Variants in SLC35D4 observed in about 807,000 individuals in gnomAD.
SLC35D4 encodes solute carrier family 35 member D4, also known as UDP-N-acetylglucosamine transporter SLC35D4.
At chr18:23,332,761 A>G in the SLC35D4 span, among the ~76,000 whole-genome samples, 1 of 152,356 alleles carries the variant, frequency 6.6e-6, no homozygotes, top group South Asian at 2.1e-4. Context: ...ATTAAAAAAA[A>G]AAAAGCTAAC....
At chr18:23,308,598 C>A in the SLC35D4 span, among the ~76,000 whole-genome samples, 18 of 152,120 alleles carry the variant, frequency 1.2e-4, no homozygotes, top group Non-Finnish European at 2.5e-4. Context: ...CAGCCATCAT[C>A]ATCTTGCACC....
the SLC35D4 span, among the ~76,000 whole-genome samples, chr18:23,281,285 A>G: frequency 6.6e-6 from 1 of 152,142 alleles, no homozygotes; most frequent in Non-Finnish European, 1.5e-5. Flanking sequence ...GGTACATCTT[A>G]GGGCATGTGA....
chr18:23,346,019 C>T, the SLC35D4 span, among the ~76,000 whole-genome samples: 1 of 151,860 alleles, frequency 6.6e-6, no homozygotes, highest in African/African-American at 2.4e-5. Flanking sequence ...ACCCATAATC[C>T]CAGCACCTTG....
At chr18:23,271,795 A>T in the SLC35D4 span, among the ~76,000 whole-genome samples, 3 of 152,220 alleles carry the variant, frequency 2.0e-5, no homozygotes. Flanking sequence ...TTGATCAATC[A>T]TGCCTACATA....
At chr18:23,393,304 C>A in the SLC35D4 span, among the ~76,000 whole-genome samples, 7 of 152,082 alleles carry the variant, frequency 4.6e-5, 1 homozygote, top group Non-Finnish European at 1.0e-4. Context: ...GTTCACACTT[C>A]ATTATGTACA....
At chr18:23,288,593 T>G in the SLC35D4 span, among the ~76,000 whole-genome samples, 3 of 150,626 alleles carry the variant, frequency 2.0e-5, no homozygotes, top group African/African-American at 7.3e-5. Context: ...TTACTCAACA[T>G]GCCCCGAGTC....
the SLC35D4 span, among the ~76,000 whole-genome samples, chr18:23,300,380 G>A: frequency 6.6e-6 from 1 of 152,190 alleles, no homozygotes; most frequent in Admixed American, 6.5e-5. Flanking sequence ...TTCTGCAAAT[G>A]TAACCAGGGG....
the SLC35D4 span, among the ~76,000 whole-genome samples, chr18:23,410,467 G>A: frequency 6.9e-6 from 1 of 144,214 alleles, no homozygotes; most frequent in African/African-American, 2.6e-5. Context: ...AAAAGAGCGA[G>A]ACTCTGTCTC....
the SLC35D4 span, chr18:23,385,014 C>G: frequency 1.2e-6 from 2 of 1,613,664 alleles, no homozygotes; most frequent in Non-Finnish European, 1.7e-6. Flanking sequence ...ACTTCTGGTA[C>G]CCACAGATGA....
the SLC35D4 span, among the ~76,000 whole-genome samples, chr18:23,419,068 CAG>C: frequency 6.6e-6 from 1 of 152,018 alleles, no homozygotes; most frequent in Admixed American, 6.5e-5. Flanking sequence ...AGAAACTGGG[CAG>C]AGTCATCACA....
At chr18:23,424,813 C>CACT in the SLC35D4 span, among the ~76,000 whole-genome samples, 1 of 152,062 alleles carries the variant, frequency 6.6e-6, no homozygotes. Context: ...GAGTACATGC[C>CACT]ACTGTACTCC....
the SLC35D4 span, among the ~76,000 whole-genome samples, chr18:23,342,287 T>A: frequency 6.6e-6 from 1 of 152,214 alleles, no homozygotes; most frequent in Non-Finnish European, 1.5e-5. Context: ...ATTGCCTTTT[T>A]ATGGGCATTT....
At chr18:23,298,043 C>G in the SLC35D4 span, 18 of 1,613,900 alleles carry the variant, frequency 1.1e-5, no homozygotes, top group Non-Finnish European at 1.4e-5. Flanking sequence ...CCAGCAAGGC[C>G]TCTCCAAGCG....
At chr18:23,429,388 C>G in the SLC35D4 span, among the ~76,000 whole-genome samples, 1 of 151,932 alleles carries the variant, frequency 6.6e-6, no homozygotes, top group Admixed American at 6.6e-5. Context: ...CGGATTTTCA[C>G]TCTTGTTACC....
At chr18:23,366,864 G>C in the SLC35D4 span, among the ~76,000 whole-genome samples, 1 of 152,192 alleles carries the variant, frequency 6.6e-6, no homozygotes, top group Non-Finnish European at 1.5e-5. Flanking sequence ...CACACATCCA[G>C]TCATTGAGAA....
the SLC35D4 span, among the ~76,000 whole-genome samples, chr18:23,240,316 TAA>T: frequency 6.6e-6 from 1 of 152,112 alleles, no homozygotes; most frequent in South Asian, 2.1e-4. Context: ...TGGTTTTGCA[TAA>T]AATAGATTTT....
At chr18:23,385,079 C>G in the SLC35D4 span, 52 of 1,607,680 alleles carry the variant, frequency 3.2e-5, no homozygotes, top group Non-Finnish European at 4.2e-5. Flanking sequence ...TGAAAGAAAA[C>G]AGAATAAAAA....
At chr18:23,292,832 G>A in the SLC35D4 span, among the ~76,000 whole-genome samples, 2 of 152,184 alleles carry the variant, frequency 1.3e-5, no homozygotes, top group Non-Finnish European at 2.9e-5. Context: ...GCATGAAATA[G>A]GCACCAGTAA....
At chr18:23,428,379 TCAC>T in the SLC35D4 span, among the ~76,000 whole-genome samples, 3 of 152,098 alleles carry the variant, frequency 2.0e-5, no homozygotes, top group Non-Finnish European at 2.9e-5. Context: ...GCAAAGAGAA[TCAC>T]AGTTTGAGTA....
Sources: allele counts gnomAD v4.1 joint callset (sites outside exome capture counted in the v4.1 genomes callset), GRCh38; gene constraint gnomAD v4.1.1; transcripts MANE v1.5; gene names NCBI Gene and HGNC (gene_info 2026-07-23, HGNC 2026-07-21).